Variants in MAGI1 observed in about 807,000 individuals in gnomAD.
The protein encoded by MAGI1 is membrane associated guanylate kinase, WW and PDZ domain containing 1.
Under a neutral mutation model 139.9 loss-of-function variants are expected in MAGI1, and 58 were observed. The observed-to-expected ratio is 0.41, with a 90% CI of 0.34 to 0.52. The LOEUF is 0.52. Ranked by LOEUF, MAGI1 falls within the 20% of genes least tolerant of loss-of-function variation. The pLI, the probability that MAGI1 is intolerant of heterozygous loss-of-function variation, is 0.12. For synonymous variants in MAGI1, 812 were observed against 737.9 expected (o/e 1.10, Z -1.63); for missense variants, 1,874 against 1,901.6 (o/e 0.99, Z 0.27).
intron 2 of MAGI1, among the ~76,000 whole-genome samples, chr3:65,593,882 G>C (rs978579865): frequency 2.0e-5 from 3 of 152,146 alleles, no homozygotes; most frequent in Non-Finnish European, 4.4e-5. Flanking sequence ...GGAATTAAAA[G>C]AAATATGTTT....
intron 1 of MAGI1, among the ~76,000 whole-genome samples, chr3:65,993,396 G>C (rs1404232765): frequency 3.9e-5 from 6 of 152,182 alleles, no homozygotes; most frequent in African/African-American, 1.4e-4. Context: ...GTGATTTGCA[G>C]CAGAAACCCA....
chr3:65,882,685 C>A (rs1053187507), intron 1 of MAGI1, among the ~76,000 whole-genome samples: 3 of 152,128 alleles, frequency 2.0e-5, no homozygotes. Flanking sequence ...GTAATCCCTG[C>A]ACTTTGGGAA....
intron 12 of MAGI1, among the ~76,000 whole-genome samples, chr3:65,410,587 G>A (rs1489002278): frequency 6.6e-6 from 1 of 152,108 alleles, no homozygotes; most frequent in African/African-American, 2.4e-5. Context: ...TGAAATACAT[G>A]GACCTACCAC....
chr3:65,873,045 T>C (rs2059992412), intron 1 of MAGI1: 1 of 152,228 alleles, frequency 6.6e-6, no homozygotes, highest in East Asian at 1.9e-4. Flanking sequence ...ACACACTTTA[T>C]GTATTCCAGA....
intron 2 of MAGI1, among the ~76,000 whole-genome samples, chr3:65,605,581 C>T (rs1273883281): frequency 6.6e-6 from 1 of 152,056 alleles, no homozygotes; most frequent in Non-Finnish European, 1.5e-5. Context: ...AAAAACCAGC[C>T]CTTGTAGGCC....
chr3:65,819,821 G>A (rs1433479157), intron 1 of MAGI1, among the ~76,000 whole-genome samples: 3 of 123,884 alleles, frequency 2.4e-5, no homozygotes, highest in Non-Finnish European at 3.2e-5. Flanking sequence ...AGGTTGTAGT[G>A]AGCCGAGATC....
In MAGI1 at chr3:65,470,438, T is replaced by C; in HGVS notation, c.804A>G (p.Leu268=). The C allele has an allele frequency of 6.2e-7, 1 of 1,613,398 alleles. No individual in the cohort carries two copies. The highest frequency in any genetic ancestry group is 1.1e-5 in the South Asian group (1 of 91,044). Residue 268 remains leucine, a synonymous_variant, in exon 5 of 23, where the codon TTA becomes TTG. Transcript: ENST00000402939. Reference sequence around the variant, plus strand: ...CGATGATGCTACTATTCACAGGTGGTAATGCTGTTTCTTGGAGAGTGTGCT... The same window carrying C: ...CGATGATGCTACTATTCACAGGTGGCAATGCTGTTTCTTGGAGAGTGTGCT... ...QEEHTLQETA[L]PPVNSSIIAA... is the part of the protein sequence containing the mutation.
intron 3 of MAGI1, among the ~76,000 whole-genome samples, chr3:65,486,987 A>G (rs984584249): frequency 1.3e-5 from 2 of 152,236 alleles, no homozygotes; most frequent in African/African-American, 4.8e-5. Context: ...TAACCAATAC[A>G]TTAACAAATT....
chr3:65,868,031 G>C (rs4621357), intron 1 of MAGI1, among the ~76,000 whole-genome samples: 23,955 of 151,998 alleles, frequency 0.16, 2,407 homozygotes, highest in East Asian at 0.34. Flanking sequence ...TGCCTGCTGA[G>C]AAAAATCCCC....
At chr3:65,763,801 T>TG (rs2037238795) in intron 1 of MAGI1, among the ~76,000 whole-genome samples, 1 of 151,554 alleles carries the variant, frequency 6.6e-6, no homozygotes, top group South Asian at 2.1e-4. Context: ...CCAGGCACAG[T>TG]GGCTCATATC....
intron 1 of MAGI1, among the ~76,000 whole-genome samples, chr3:65,903,698 C>G (rs1205024613): frequency 1.3e-5 from 2 of 152,044 alleles, no homozygotes; most frequent in African/African-American, 2.4e-5. Flanking sequence ...TTCGATTTGC[C>G]TAAAATCAGG....
chr3:65,611,224 T>G (rs1475731529), intron 2 of MAGI1, among the ~76,000 whole-genome samples: 1 of 141,466 alleles, frequency 7.1e-6, no homozygotes, highest in Non-Finnish European at 1.5e-5. Context: ...TAGTACTATA[T>G]ACTATAGTAT....
At chr3:65,435,472 A>G in intron 10 of MAGI1, among the ~76,000 whole-genome samples, 1 of 150,050 alleles carries the variant, frequency 6.7e-6, no homozygotes, top group African/African-American at 2.5e-5. Context: ...GTATATGTGG[A>G]TGGATGGATG....
At chr3:65,469,748 G>T (rs960017790) in intron 5 of MAGI1, 2 of 151,604 alleles carry the variant, frequency 1.3e-5, no homozygotes, top group Non-Finnish European at 2.9e-5. Context: ...TTAAGATTTT[G>T]ATGGAGACAA....
intron 2 of MAGI1, among the ~76,000 whole-genome samples, chr3:65,506,830 T>C: frequency 6.6e-6 from 1 of 152,286 alleles, no homozygotes. Flanking sequence ...AGAAATAAAT[T>C]TGTATCAAGG....
chr3:65,360,317 G>GA lies in MAGI1; in HGVS notation c.3634+881dup, dbSNP rs539564400. On this transcript the variant is annotated intron_variant, in intron 22 of 22. Transcript: ENST00000402939. ...GAAACTTTGGTAGACCTTTGGTTGG[G>GA]AAAAAAAGCCCTACATCTAGGGCAT... 4.6e-3 allele frequency: 4,514 copies of GA among 981,542 alleles called. 12 individuals carry two copies. The highest frequency in any genetic ancestry group is 5.2e-3 in the Non-Finnish European group (4,301 of 828,332). 60.8% of individuals were successfully genotyped at this position (981,542 alleles called of 1,614,324 possible). A position where few individuals can be genotyped will look rare whatever the true frequency, so the allele number is the denominator to read the frequency against.
chr3:65,384,657 A>C (rs1386953958), intron 14 of MAGI1, among the ~76,000 whole-genome samples: 2 of 152,164 alleles, frequency 1.3e-5, no homozygotes, highest in African/African-American at 4.8e-5. Flanking sequence ...CACTTGAGCC[A>C]GGGAGGTTGA....
At chr3:65,620,176 G>A (rs1214908183) in intron 2 of MAGI1, among the ~76,000 whole-genome samples, 2 of 152,088 alleles carry the variant, frequency 1.3e-5, no homozygotes, top group Admixed American at 1.3e-4. Context: ...TCTTAAATTG[G>A]AATCTAAGTA....
chr3:65,836,189 T>A (rs896779140), intron 1 of MAGI1, among the ~76,000 whole-genome samples: 1 of 152,132 alleles, frequency 6.6e-6, no homozygotes, highest in Non-Finnish European at 1.5e-5. Flanking sequence ...AAAGGTACAG[T>A]GCATAACATT....
Sources: gnomAD v4.1 joint callset for allele counts (sites outside exome capture counted in the v4.1 genomes callset) on GRCh38, gnomAD v4.1.1 for gene constraint, MANE v1.5 for transcripts, NCBI Gene and HGNC (gene_info 2026-07-23, HGNC 2026-07-21) for gene names.